The following KIAA1217 variants were observed in gnomAD, a reference collection of about 807,000 sequenced individuals.
KIAA1217 encodes KIAA1217.
KIAA1217 carries 88 observed loss-of-function variants against 163.9 expected under a neutral mutation model. The ratio of observed to expected loss-of-function variants is 0.54; its 90% CI spans 0.45 to 0.64. The LOEUF (loss-of-function observed/expected upper bound fraction) is 0.64. Ranked by LOEUF, KIAA1217 falls within the 30% of genes least tolerant of loss-of-function variation. The pLI, the probability that KIAA1217 is intolerant of heterozygous loss-of-function variation, is 0.00. For missense variants in KIAA1217, 2,372 were observed against 2,475.0 expected, an observed-to-expected ratio of 0.96 and a Z score of 0.88; for synonymous variants, 903 against 923.1, an observed-to-expected ratio of 0.98 and a Z score of 0.39.
intron 1 of KIAA1217, among the ~76,000 whole-genome samples, chr10:23,742,620 T>C (rs755388692): frequency 2.0e-5 from 3 of 152,154 alleles, no homozygotes; most frequent in Admixed American, 6.5e-5. Context: ...TCACATCCTG[T>C]GTGAACTCAG....
intron 1 of KIAA1217, among the ~76,000 whole-genome samples, chr10:23,839,056 T>C (rs1838638676): frequency 6.6e-6 from 1 of 152,182 alleles, no homozygotes; most frequent in Non-Finnish European, 1.5e-5. Context: ...CCCAACATTT[T>C]ATTGATTTTT....
intron 1 of KIAA1217, among the ~76,000 whole-genome samples, chr10:23,895,922 C>T (rs1255900535): frequency 5.6e-5 from 8 of 143,612 alleles, no homozygotes; most frequent in African/African-American, 1.0e-4. Flanking sequence ...TATTCTCACT[C>T]GTAGGTGGGA....
At chr10:24,094,864 T>C (rs1391568050) in intron 2 of KIAA1217, among the ~76,000 whole-genome samples, 1 of 152,208 alleles carries the variant, frequency 6.6e-6, no homozygotes, top group Admixed American at 6.5e-5. Context: ...AGGCAGGCTT[T>C]CTTGAGCTGT....
At chr10:24,264,303 T>C (rs973985311) in intron 2 of KIAA1217, among the ~76,000 whole-genome samples, 4 of 152,276 alleles carry the variant, frequency 2.6e-5, no homozygotes, top group Admixed American at 1.3e-4. Context: ...CTGGTTTTGT[T>C]GTATGTCTGA....
chr10:24,277,323 C>T (rs577795533), intron 2 of KIAA1217, among the ~76,000 whole-genome samples: 1 of 152,198 alleles, frequency 6.6e-6, no homozygotes, highest in Non-Finnish European at 1.5e-5. Flanking sequence ...GTGGTTCCCA[C>T]TCAAAGTGGA....
chr10:23,883,182 G>A (rs1011155379), intron 1 of KIAA1217, among the ~76,000 whole-genome samples: 2 of 152,016 alleles, frequency 1.3e-5, no homozygotes, highest in African/African-American at 4.8e-5. Context: ...TTTGAACCGA[G>A]TGAAATTGTG....
At chr10:24,378,575 T>A (rs1229555887) in intron 2 of KIAA1217, among the ~76,000 whole-genome samples, 1 of 152,190 alleles carries the variant, frequency 6.6e-6, no homozygotes, top group Non-Finnish European at 1.5e-5. Context: ...GCTCAAGAAC[T>A]TTTATCTCTG....
chr10:24,049,568 G>A (rs917674652), intron 2 of KIAA1217, among the ~76,000 whole-genome samples: 6 of 151,944 alleles, frequency 3.9e-5, no homozygotes, highest in Admixed American at 2.0e-4. Flanking sequence ...TTTGGTTTTC[G>A]GTTCTTGTGA....
At chr10:24,437,837 G>A (rs1040564595) in intron 4 of KIAA1217, among the ~76,000 whole-genome samples, 2 of 139,240 alleles carry the variant, frequency 1.4e-5, no homozygotes, top group African/African-American at 5.3e-5. Flanking sequence ...AGATCTTTTT[G>A]GTACTGTTTT....
At chr10:24,506,640 C>A (rs1393231602) in intron 9 of KIAA1217, among the ~76,000 whole-genome samples, 1 of 152,104 alleles carries the variant, frequency 6.6e-6, no homozygotes, top group Admixed American at 6.5e-5. Flanking sequence ...ATGTATGAAA[C>A]AAATGTTTTC....
intron 2 of KIAA1217, among the ~76,000 whole-genome samples, chr10:24,195,658 A>G (rs1359168281): frequency 2.6e-5 from 4 of 152,202 alleles, no homozygotes; most frequent in Non-Finnish European, 4.4e-5. Flanking sequence ...GATGACAGCG[A>G]GATACTGAAT....
At chr10:24,234,226 G>A (rs2071857065) in intron 2 of KIAA1217, among the ~76,000 whole-genome samples, 1 of 151,770 alleles carries the variant, frequency 6.6e-6, no homozygotes, top group South Asian at 2.1e-4. Context: ...TTTTGGATTA[G>A]GGATGCTCAA....
rs554543106 is a variant in KIAA1217 at position 24,465,149 on chromosome 10, T to C, written c.847-8079T>C. 3.3e-5 allele frequency among the ~76,000 whole-genome samples: 5 copies of C among 151,766 alleles called. No individual in the cohort carries two copies. The East Asian group carries it at 5.9e-4, about 18-fold the overall frequency. ...TACCAGATTCATCAGAAGCTGATAG[T>C]GTGTGCCTCCCATACTCTGGTGAGA... On this transcript the variant is annotated intron_variant, in intron 5 of 20. Transcript: ENST00000376454.
intron 1 of KIAA1217, among the ~76,000 whole-genome samples, chr10:23,837,127 C>T (rs1383265096): frequency 6.6e-6 from 1 of 152,120 alleles, no homozygotes; most frequent in Non-Finnish European, 1.5e-5. Flanking sequence ...CTTTCTGTTT[C>T]TGAGTTGTTT....
chr10:24,340,352 A>G (rs2046925812), intron 2 of KIAA1217, among the ~76,000 whole-genome samples: 1 of 152,010 alleles, frequency 6.6e-6, no homozygotes, highest in African/African-American at 2.4e-5. Flanking sequence ...GTCTCACGAG[A>G]TCTGATGGTC....
chr10:24,107,024 C>T (rs1478709007), intron 2 of KIAA1217, among the ~76,000 whole-genome samples: 6 of 152,132 alleles, frequency 3.9e-5, no homozygotes, highest in Non-Finnish European at 7.3e-5. Flanking sequence ...TTTCAATCCT[C>T]ACCCTCCTCC....
At chr10:24,294,268 C>T (rs2079458711) in intron 2 of KIAA1217, among the ~76,000 whole-genome samples, 1 of 149,248 alleles carries the variant, frequency 6.7e-6, no homozygotes, top group African/African-American at 2.5e-5. Flanking sequence ...TCTACATTTG[C>T]CTGCTTGGTT....
At chr10:24,001,188 ACT>A (rs1164044464) in intron 1 of KIAA1217, among the ~76,000 whole-genome samples, 2 of 152,084 alleles carry the variant, frequency 1.3e-5, no homozygotes, top group African/African-American at 4.8e-5. Flanking sequence ...TAATATAATC[ACT>A]GTCTTTATGT....
chr10:24,153,129 A>G (rs1325916480), intron 2 of KIAA1217, among the ~76,000 whole-genome samples: 1 of 152,162 alleles, frequency 6.6e-6, no homozygotes, highest in East Asian at 1.9e-4. Flanking sequence ...CCTTTTTACC[A>G]TGAAGTCTGA....
Sources: gnomAD v4.1 joint callset for allele counts (sites outside exome capture counted in the v4.1 genomes callset) on GRCh38, gnomAD v4.1.1 for gene constraint, MANE v1.5 for transcripts, NCBI Gene and HGNC (gene_info 2026-07-23, HGNC 2026-07-21) for gene names.